NET1: variants seen among roughly 807,000 people sequenced by gnomAD.
The protein encoded by NET1 is neuroepithelial cell-transforming gene 1 protein.
In NET1, 42 loss-of-function variants were observed where a neutral mutation model predicts 61.1. The observed-to-expected ratio is 0.69, with a 90% CI of 0.54 to 0.89. The LOEUF is 0.89. Ranked by LOEUF, NET1 falls within the 40% of genes least tolerant of loss-of-function variation. NET1 has a pLI of 0.00. For synonymous variants in NET1, 254 were observed against 281.8 expected (o/e 0.90, Z 0.99); for missense variants, 654 against 747.3 (o/e 0.88, Z 1.46).
At chr10:5,442,730 A>G (rs746969956) in intron 3 of NET1, among the ~76,000 whole-genome samples, 1 of 152,082 alleles carries the variant, frequency 6.6e-6, no homozygotes, top group Non-Finnish European at 1.5e-5. Context: ...CCCCATCTCT[A>G]CTAACATTAC....
At chr10:5,418,362 T>C (rs1325122361) in intron 1 of NET1, among the ~76,000 whole-genome samples, 4 of 152,194 alleles carry the variant, frequency 2.6e-5, no homozygotes, top group African/African-American at 9.6e-5. Flanking sequence ...TTGTTTCTTA[T>C]TAAGTCAGTT....
At chr10:5,432,782 G>A (rs1007921220) in intron 3 of NET1, among the ~76,000 whole-genome samples, 2 of 145,320 alleles carry the variant, frequency 1.4e-5, no homozygotes, top group Admixed American at 1.4e-4. Flanking sequence ...TATATATATA[G>A]TATTCCACTT....
rs1317940195 is a variant in NET1, at chr10:5,421,048, A to G, written c.129-5607A>G. Among the ~76,000 whole-genome samples the G allele has an allele frequency of 6.6e-6, 1 of 152,134 alleles. No individual in the cohort carries two copies. The highest frequency in any genetic ancestry group is 1.5e-5 in the Non-Finnish European group (1 of 68,030). Reference sequence around the variant, plus strand: ...TTTCTGTCTTCTCCTTTGAGAATGTATATTCTTTTAACATTCTTTTAGACT... The same window carrying G: ...TTTCTGTCTTCTCCTTTGAGAATGTGTATTCTTTTAACATTCTTTTAGACT... On this transcript the variant is annotated intron_variant, in intron 1 of 11. Transcript: ENST00000355029. This position sits in a 1 kb window ranked among gnomAD's most constrained non-coding sequence, Gnocchi z 4.2.
chr10:5,422,419 G>A lies in NET1; in HGVS notation c.129-4236G>A, dbSNP rs1043986650. Among the ~76,000 whole-genome samples, 2 of 152,024 alleles carry A rather than the reference G, an allele frequency of 1.3e-5. No individual in the cohort carries two copies. The highest frequency in any genetic ancestry group is 4.8e-5 in the African/African-American group (2 of 41,376). ...TGGGGGTGGAATTATCAGGTCCTAC[G>A]GTAAACTTACCACTAACATCTTAAG... On this transcript the variant is annotated intron_variant, in intron 1 of 11. Transcript: ENST00000355029. The surrounding 1 kb of genome is among the most constrained non-coding windows in gnomAD (Gnocchi z 4.1).
chr10:5,434,940 GT>G (rs1454039335), intron 3 of NET1, among the ~76,000 whole-genome samples: 2 of 152,084 alleles, frequency 1.3e-5, no homozygotes, highest in African/African-American at 4.8e-5. Context: ...TTGCATTGCT[GT>G]GAGTTTTCTA....
intron 1 of NET1, among the ~76,000 whole-genome samples, chr10:5,418,676 C>T (rs371511098): frequency 6.6e-6 from 1 of 152,046 alleles, no homozygotes; most frequent in East Asian, 1.9e-4. Context: ...CTTCTTCCTG[C>T]TTAGTAATCT....
chr10:5,450,696 A>G lies in NET1; in HGVS notation c.256-1134A>G, dbSNP rs144993761. ...CAAGTATGCCACAATTGTCAGAAGC[A>G]CAAAATACAAATAGTTATGCTCCAT... On this transcript the variant is annotated intron_variant, in intron 3 of 11. Coordinates refer to ENST00000355029, the MANE Select transcript of NET1 (RefSeq NM_001047160.3). 9.3e-3 allele frequency among the ~76,000 whole-genome samples: 1,419 copies of G among 152,308 alleles called. 22 individuals carry two copies. The highest frequency in any genetic ancestry group is 0.032 in the African/African-American group (1,317 of 41,554).
chr10:5,442,908 A>G (rs1026574876), intron 3 of NET1, among the ~76,000 whole-genome samples: 1 of 151,808 alleles, frequency 6.6e-6, no homozygotes, highest in East Asian at 1.9e-4. Context: ...AAAGAAAAAA[A>G]CTCTTCTAAA....
rs950262599 is a variant in NET1 at position 5,452,169 on chromosome 10, T to G, written c.364-189T>G. Among the ~76,000 whole-genome samples, 1 of 152,222 alleles carries G rather than the reference T, an allele frequency of 6.6e-6. No individual in the cohort carries two copies. Among genetic ancestry groups the G allele is most frequent in the Non-Finnish European group, 1.5e-5 (1 of 68,038 alleles). ...AATGCATAGTCTTGGCTAGTTTTTA[T>G]TCCCAAAAATGTAATTTTAGCTGAT... On this transcript the variant is annotated intron_variant, in intron 4 of 11. Transcript: ENST00000355029. This position sits in a 1 kb window ranked among gnomAD's most constrained non-coding sequence, Gnocchi z 4.0.
Position 5,456,792 on chromosome 10 carries a change from G to C in NET1, c.1589G>C (p.Arg530Thr). The change falls in exon 12 of 12, where the codon AGG (arginine) becomes ACG (threonine). Residue 530 changes from arginine (R) to threonine (T), a missense_variant. Physicochemically the swap from Arg to Thr is moderately conservative, Grantham distance 71. Coordinates refer to ENST00000355029, the MANE Select transcript of NET1 (RefSeq NM_001047160.3). The surrounding 1 kb of genome is among the most constrained non-coding windows in gnomAD (Gnocchi z 7.0). Reference sequence around the variant, plus strand: ...TGTGAGGGGAACCACCCCTCTGCGAGGAAACTCACAGCCCAGAGGAGGGCA... The same window carrying C: ...TGTGAGGGGAACCACCCCTCTGCGACGAAACTCACAGCCCAGAGGAGGGCA... ...EECEGNHPSA[R>T]KLTAQRRAST... is the part of the protein sequence containing the mutation. 1 of 1,613,208 alleles carries C rather than the reference G, an allele frequency of 6.2e-7. No individual in the cohort carries two copies. The highest frequency in any genetic ancestry group is 8.5e-7 in the Non-Finnish European group (1 of 1,179,520).
rs1832492192 is a variant in NET1 at position 5,439,592 on chromosome 10, G to A, written c.255+10363G>A. Among the ~76,000 whole-genome samples, 1 of 152,222 alleles carries A rather than the reference G, an allele frequency of 6.6e-6. No individual in the cohort carries two copies. The highest frequency in any genetic ancestry group is 2.4e-5 in the African/African-American group (1 of 41,444). ...TGTTTTGGGCACCTCTGATCGCACAGTTAAATGATGTCCTGTAGCCAGGGC... is the reference window on the plus strand; with the variant it reads ...TGTTTTGGGCACCTCTGATCGCACAATTAAATGATGTCCTGTAGCCAGGGC... On this transcript the variant is annotated intron_variant, in intron 3 of 11. Transcript: ENST00000355029. This position sits in a 1 kb window ranked among gnomAD's most constrained non-coding sequence, Gnocchi z 4.8.
At position 5,454,875 on chromosome 10, in the gene NET1, A is replaced by AT; in HGVS notation, c.1027-68dup. ...TTAAAGTTCTTCCATTCCATATGACATTTTTGCTCTGCAGGAAGCAGAATG... is the reference window on the plus strand; with the variant it reads ...TTAAAGTTCTTCCATTCCATATGACATTTTTTGCTCTGCAGGAAGCAGAATG... On this transcript the variant is annotated intron_variant, in intron 9 of 11. Transcript: ENST00000355029. This position sits in a 1 kb window ranked among gnomAD's most constrained non-coding sequence, Gnocchi z 8.1. 7.0e-7 allele frequency: 1 copy of AT among 1,430,236 alleles called. No homozygotes were observed. The highest frequency in any genetic ancestry group is 9.7e-7 in the Non-Finnish European group (1 of 1,026,142). 88.6% of individuals were successfully genotyped at this position (1,430,236 alleles called of 1,614,324 possible). A position where few individuals can be genotyped will look rare whatever the true frequency, so the allele number is the denominator to read the frequency against.
chr10:5,446,836 A>AC lies in NET1; in HGVS notation c.256-4992dup. ...ACCATACGAGTCCTAGATGTCAATA[A>AC]CCAGTCCTTCAGAGAACAAGAGGTA... On this transcript the variant is annotated intron_variant, in intron 3 of 11. Transcript: ENST00000355029. This position sits in a 1 kb window ranked among gnomAD's most constrained non-coding sequence, Gnocchi z 5.0. 1 of 1,611,340 alleles carries AC rather than the reference A, an allele frequency of 6.2e-7. No homozygotes were observed. The highest frequency in any genetic ancestry group is 8.5e-7 in the Non-Finnish European group (1 of 1,178,292).
Position 5,446,734 on chromosome 10 carries a change from A to C in NET1, c.256-5096A>C. 1.9e-6 allele frequency: 3 copies of C among 1,576,456 alleles called. No individual in the cohort carries two copies. The highest frequency in any genetic ancestry group is 2.6e-6 in the Non-Finnish European group (3 of 1,157,334). On this transcript the variant is annotated intron_variant, in intron 3 of 11. Coordinates refer to ENST00000355029, the MANE Select transcript of NET1 (RefSeq NM_001047160.3). The surrounding 1 kb of genome is among the most constrained non-coding windows in gnomAD (Gnocchi z 5.0). ...TACAGCGCTGACTCGGTGTGGATTG[A>C]TTGGAAAGGTTTGAGGGAGTACTTG...
Position 5,437,498 on chromosome 10 carries a change from G to C in NET1, c.255+8269G>C, listed in dbSNP as rs979145568. On this transcript the variant is annotated intron_variant, in intron 3 of 11. Coordinates refer to ENST00000355029, the MANE Select transcript of NET1 (RefSeq NM_001047160.3). The surrounding 1 kb of genome is among the most constrained non-coding windows in gnomAD (Gnocchi z 4.3). Reference sequence around the variant, plus strand: ...TACTTTACCTTCTGGTGCACAAGGAGGGACCATGTTTGTGTCTCTATTATA... The same window carrying C: ...TACTTTACCTTCTGGTGCACAAGGACGGACCATGTTTGTGTCTCTATTATA... Among the ~76,000 whole-genome samples, 1 of 152,044 alleles carries C rather than the reference G, an allele frequency of 6.6e-6. No homozygotes were observed. Among genetic ancestry groups the C allele is most frequent in the Admixed American group, 6.5e-5 (1 of 15,268 alleles).
rs2119193107 is a variant in NET1, at chr10:5,437,716, A to G, written c.255+8487A>G. ...GGGATAGATAACCTGACAGGAAATC[A>G]ATAAGGAAGTAGAAGACTTAAACAG... On this transcript the variant is annotated intron_variant, in intron 3 of 11. Transcript: ENST00000355029. This position sits in a 1 kb window ranked among gnomAD's most constrained non-coding sequence, Gnocchi z 4.3. 6.6e-6 allele frequency among the ~76,000 whole-genome samples: 1 copy of G among 152,182 alleles called. No individual in the cohort carries two copies.
At chr10:5,432,647 T>A (rs1453501376) in intron 3 of NET1, among the ~76,000 whole-genome samples, 1 of 152,142 alleles carries the variant, frequency 6.6e-6, no homozygotes, top group East Asian at 1.9e-4. Context: ...AATTTTGAAG[T>A]CATTCTACAG....
intron 1 of NET1, among the ~76,000 whole-genome samples, chr10:5,413,273 G>A (rs917693852): frequency 6.6e-6 from 1 of 152,188 alleles, no homozygotes; most frequent in African/African-American, 2.4e-5. Flanking sequence ...GTTCCCAAAT[G>A]CCTTTGCTCA....
In NET1 at chr10:5,423,950, C is replaced by T. The variant is rs1195231204; in HGVS notation, c.129-2705C>T. Among the ~76,000 whole-genome samples the T allele has an allele frequency of 6.6e-6, 1 of 152,054 alleles. No homozygotes were observed. The highest frequency in any genetic ancestry group is 1.5e-5 in the Non-Finnish European group (1 of 68,008). On this transcript the variant is annotated intron_variant, in intron 1 of 11. Transcript: ENST00000355029. This position sits in a 1 kb window ranked among gnomAD's most constrained non-coding sequence, Gnocchi z 4.4. ...TTGTTATTGAAGTGGGAAAAAATAG[C>T]ATTACTGTAAAGCTGGTTACAGATA...
Sources: allele counts gnomAD v4.1 joint callset (sites outside exome capture counted in the v4.1 genomes callset), GRCh38; gene constraint gnomAD v4.1.1; non-coding constraint Gnocchi (gnomAD v3.1); transcripts MANE v1.5; gene names NCBI Gene and HGNC (gene_info 2026-07-23, HGNC 2026-07-21).